PCTP: variants seen among roughly 807,000 people sequenced by gnomAD.
PCTP encodes START domain-containing protein 2.
A neutral mutation model predicts 31.0 loss-of-function variants in PCTP; 27 were observed. That is an observed-to-expected ratio of 0.87 (90% CI 0.64 to 1.20). The LOEUF (loss-of-function observed/expected upper bound fraction) is 1.20. PCTP is among the 50% of genes most tolerant of loss of function. PCTP has a pLI of 0.00. For missense variants in PCTP, 287 were observed against 268.2 expected (o/e 1.07, Z -0.49); for synonymous variants, 108 against 101.2 (o/e 1.07, Z -0.40).
chr17:55,831,198 T>A (rs1243541311), intron 5 of PCTP, among the ~76,000 whole-genome samples: 3 of 152,208 alleles, frequency 2.0e-5, no homozygotes. Flanking sequence ...ACTCGGTAGC[T>A]GACAGTTCTT....
chr17:55,757,048 C>T (rs545432768), intron 1 of PCTP, among the ~76,000 whole-genome samples: 7 of 151,862 alleles, frequency 4.6e-5, no homozygotes, highest in Admixed American at 3.3e-4. Context: ...GAGGATTGAA[C>T]GAAATGATAA....
Position 55,805,318 on chromosome 17 carries a change from A to G in PCTP, c.318-17443A>G, listed in dbSNP as rs145199544. ...TAATATACCCATTACCCAATAGTGAACACTGTACCCAGTAGGCAATTTTTC... is the reference window on the plus strand; with the variant it reads ...TAATATACCCATTACCCAATAGTGAGCACTGTACCCAGTAGGCAATTTTTC... On this transcript the variant is annotated intron_variant, in intron 3 of 3. Transcript: ENST00000572536. Among the ~76,000 whole-genome samples, 272 of 152,176 alleles carry G rather than the reference A, an allele frequency of 1.8e-3. 1 individual carries two copies. Among genetic ancestry groups the G allele is most frequent in the African/African-American group, 6.3e-3 (263 of 41,542 alleles).
chr17:55,778,607 G>A (rs936880383), downstream of PCTP, among the ~76,000 whole-genome samples: 4 of 145,338 alleles, frequency 2.8e-5, no homozygotes, highest in African/African-American at 1.1e-4. Flanking sequence ...TCAGCGTTTT[G>A]TGGGGTGCGG....
At chr17:55,848,994 T>A in the PCTP span, among the ~76,000 whole-genome samples, 1 of 152,300 alleles carries the variant, frequency 6.6e-6, no homozygotes, top group Admixed American at 6.5e-5. Flanking sequence ...CACAATTTAA[T>A]ACAATAAAAT....
chr17:55,801,938 G>A (rs1487262096), intron 3 of PCTP, among the ~76,000 whole-genome samples: 1 of 152,100 alleles, frequency 6.6e-6, no homozygotes, highest in Non-Finnish European at 1.5e-5. Context: ...CTGGTTTTTT[G>A]AAAAGATTAA....
intron 1 of PCTP, among the ~76,000 whole-genome samples, chr17:55,764,548 A>C (rs1208125380): frequency 6.6e-6 from 1 of 152,158 alleles, no homozygotes; most frequent in Non-Finnish European, 1.5e-5. Context: ...TCTTGGTATA[A>C]AATCACATGC....
downstream of PCTP, among the ~76,000 whole-genome samples, chr17:55,782,068 G>A (rs1911584240): frequency 1.3e-5 from 2 of 152,204 alleles, no homozygotes; most frequent in Non-Finnish European, 2.9e-5. Context: ...TGGCAAGCTG[G>A]AAAGTCAAAT....
chr17:55,845,643 G>A (rs1005189974), downstream of PCTP, among the ~76,000 whole-genome samples: 1 of 152,094 alleles, frequency 6.6e-6, no homozygotes, highest in African/African-American at 2.4e-5. Flanking sequence ...GAAAGTTACT[G>A]TGGTGCCCAG....
At chr17:55,755,596 A>T (rs1909970111) in intron 1 of PCTP, among the ~76,000 whole-genome samples, 1 of 151,376 alleles carries the variant, frequency 6.6e-6, no homozygotes, top group Admixed American at 6.6e-5. Flanking sequence ...GCTTTTGATA[A>T]TTTTTTTTTG....
rs569610282 is a variant in PCTP at position 55,753,944 on chromosome 17, G to T, written c.141+2700G>T. On this transcript the variant is annotated intron_variant, in intron 1 of 5. Transcript: ENST00000268896. ...GCATGTGGGATGGACCGTCTTAGGA[G>T]GGTGAGTCCTCATTATTGGAAGTAC... 8.5e-5 allele frequency among the ~76,000 whole-genome samples: 13 copies of T among 152,344 alleles called. 1 individual carries two copies. The South Asian group carries it at 2.7e-3, about 32-fold the overall frequency.
At chr17:55,803,016 G>A (rs575717091) in intron 3 of PCTP, among the ~76,000 whole-genome samples, 69 of 152,126 alleles carry the variant, frequency 4.5e-4, no homozygotes, top group South Asian at 2.1e-4. Flanking sequence ...CAAAGTCTCA[G>A]GATACAAAAT....
intron 5 of PCTP, among the ~76,000 whole-genome samples, chr17:55,831,252 AT>A (rs1164532655): frequency 1.3e-5 from 2 of 152,160 alleles, no homozygotes; most frequent in East Asian, 3.8e-4. Flanking sequence ...CCAGGGTATA[AT>A]TATCCTTGTA....
chr17:55,828,436 A>G (rs1047466997), intron 5 of PCTP, among the ~76,000 whole-genome samples: 2 of 152,108 alleles, frequency 1.3e-5, no homozygotes, highest in Non-Finnish European at 2.9e-5. Flanking sequence ...CTCTGCCTTC[A>G]TCTTAATATG....
downstream of PCTP, among the ~76,000 whole-genome samples, chr17:55,847,510 C>T (rs796170418): frequency 2.0e-4 from 30 of 152,312 alleles, no homozygotes; most frequent in African/African-American, 6.7e-4. Context: ...CTGTCTCCTG[C>T]TGCCATGTAA....
At chr17:55,792,137 C>T (rs1223870717) in intron 3 of PCTP, among the ~76,000 whole-genome samples, 4 of 125,440 alleles carry the variant, frequency 3.2e-5, no homozygotes, top group African/African-American at 1.3e-4. Context: ...AGGGGAACCT[C>T]ACACTCTGGG....
At chr17:55,785,995 T>C (rs547931219) in intron 2 of PCTP, among the ~76,000 whole-genome samples, 2 of 152,260 alleles carry the variant, frequency 1.3e-5, no homozygotes, top group South Asian at 2.1e-4. Flanking sequence ...TAAAATGCCA[T>C]ATGTGGGCTG....
the PCTP span, among the ~76,000 whole-genome samples, chr17:55,849,470 A>G: frequency 1.3e-5 from 2 of 152,092 alleles, no homozygotes; most frequent in Non-Finnish European, 2.9e-5. Flanking sequence ...TAAAAATACA[A>G]TAAATGGCTG....
intron 3 of PCTP, among the ~76,000 whole-genome samples, chr17:55,811,265 G>A (rs1163823231): frequency 1.3e-5 from 2 of 152,230 alleles, no homozygotes; most frequent in East Asian, 1.9e-4. Context: ...GATGCCTTTC[G>A]AAAATCCTAA....
intron 3 of PCTP, among the ~76,000 whole-genome samples, chr17:55,812,586 G>T (rs1354703957): frequency 6.6e-6 from 1 of 152,150 alleles, no homozygotes; most frequent in African/African-American, 2.4e-5. Context: ...TAATCAGACT[G>T]TCAACATTTC....
Sources: gnomAD v4.1 joint callset for allele counts (sites outside exome capture counted in the v4.1 genomes callset) on GRCh38, gnomAD v4.1.1 for gene constraint, MANE v1.5 for transcripts, NCBI Gene and HGNC (gene_info 2026-07-23, HGNC 2026-07-21) for gene names.